The following ASXL2 variants were observed in gnomAD, a reference collection of about 807,000 sequenced individuals.
The protein encoded by ASXL2 is ASXL transcriptional regulator 2.
In ASXL2, 23 loss-of-function variants were observed where a neutral mutation model predicts 122.0. That is an observed-to-expected ratio of 0.19 (90% CI 0.14 to 0.27). ASXL2 has a LOEUF of 0.27. Ranked by LOEUF, ASXL2 falls within the 10% of genes least tolerant of loss-of-function variation. The pLI, the probability that ASXL2 is intolerant of heterozygous loss-of-function variation, is 1.00. For synonymous variants in ASXL2, 650 were observed against 637.0 expected (o/e 1.02, Z -0.31); for missense variants, 1,518 against 1,713.8 (o/e 0.89, Z 2.02).
intron 4 of ASXL2, among the ~76,000 whole-genome samples, chr2:25,800,271 A>G (rs193208132): frequency 6.6e-6 from 1 of 152,292 alleles, no homozygotes; most frequent in East Asian, 1.9e-4. Flanking sequence ...GCACTCCAAC[A>G]TGGGTGACAG....
intron 3 of ASXL2, among the ~76,000 whole-genome samples, chr2:25,812,756 T>C (rs1486561960): frequency 1.3e-5 from 2 of 152,100 alleles, no homozygotes; most frequent in African/African-American, 4.8e-5. Flanking sequence ...CACTGAAAAA[T>C]GACCTCAAAC....
chr2:25,826,254 C>A (rs13398541), intron 3 of ASXL2, among the ~76,000 whole-genome samples: 14 of 143,262 alleles, frequency 9.8e-5, no homozygotes, highest in African/African-American at 3.2e-4. Context: ...TGAAAGTGGG[C>A]TGGAAAAGTT....
intron 1 of ASXL2, among the ~76,000 whole-genome samples, chr2:25,872,433 G>A (rs2089969225): frequency 6.6e-6 from 1 of 151,942 alleles, no homozygotes; most frequent in South Asian, 2.1e-4. Context: ...CAAATAGCTA[G>A]AAAGATAACA....
intron 2 of ASXL2, among the ~76,000 whole-genome samples, chr2:25,843,814 T>TAAAAAAA (rs541446675): frequency 0.03 from 2,561 of 85,904 alleles, 68 homozygotes; most frequent in African/African-American, 0.053. Flanking sequence ...CTCCATCTCT[T>TAAAAAAA]AAAAAAAAAA....
At chr2:25,790,421 T>TA (rs999417533) in intron 5 of ASXL2, among the ~76,000 whole-genome samples, 225 of 150,072 alleles carry the variant, frequency 1.5e-3, no homozygotes, top group Non-Finnish European at 2.6e-3. Flanking sequence ...AGACCTTGGT[T>TA]AAAAAAAAAC....
chr2:25,861,110 A>C (rs1403489035), intron 1 of ASXL2, among the ~76,000 whole-genome samples: 1 of 152,206 alleles, frequency 6.6e-6, no homozygotes, highest in Non-Finnish European at 1.5e-5. Flanking sequence ...CAAATAAGAA[A>C]ACAAAAATTA....
At chr2:25,820,969 C>T (rs2089300875) in intron 3 of ASXL2, among the ~76,000 whole-genome samples, 1 of 152,014 alleles carries the variant, frequency 6.6e-6, no homozygotes, top group Non-Finnish European at 1.5e-5. Context: ...GAGTTCGAGA[C>T]CAGCCTGACC....
chr2:25,858,723 A>G (rs1252538031), intron 1 of ASXL2, among the ~76,000 whole-genome samples: 2 of 150,596 alleles, frequency 1.3e-5, no homozygotes, highest in African/African-American at 2.4e-5. Flanking sequence ...CCCCGCCTCA[A>G]AAAAAAAAAA....
chr2:25,807,331 G>A (rs1195095403), intron 3 of ASXL2, among the ~76,000 whole-genome samples: 2 of 152,160 alleles, frequency 1.3e-5, no homozygotes. Flanking sequence ...GTTATCTGCT[G>A]GGAAGAGCTG....
intron 4 of ASXL2, 123 bp from the exon 5 acceptor site, chr2:25,799,658 C>T (rs370513800): frequency 4.4e-6 from 5 of 1,128,600 alleles, no homozygotes; most frequent in East Asian, 5.0e-5. Context: ...GATTCAGTAG[C>T]AGAACCAGCA....
chr2:25,848,398 G>A (rs910927218), intron 1 of ASXL2, among the ~76,000 whole-genome samples: 2 of 151,602 alleles, frequency 1.3e-5, no homozygotes, highest in African/African-American at 2.4e-5. Context: ...CGAGATAGGT[G>A]GATCACAAGG....
intron 10 of ASXL2, among the ~76,000 whole-genome samples, chr2:25,754,502 A>T (rs562277620): frequency 2.6e-5 from 4 of 152,190 alleles, no homozygotes; most frequent in Non-Finnish European, 5.9e-5. Flanking sequence ...AGGATTGGGA[A>T]AAGAGAGATT....
At chr2:25,843,466 T>A (rs1223461503) in intron 2 of ASXL2, among the ~76,000 whole-genome samples, 1 of 152,146 alleles carries the variant, frequency 6.6e-6, no homozygotes, top group African/African-American at 2.4e-5. Context: ...GTTTTAATTT[T>A]AAAATGTTTA....
At chr2:25,785,610 A>C (rs545290246) in intron 5 of ASXL2, among the ~76,000 whole-genome samples, 72 of 152,148 alleles carry the variant, frequency 4.7e-4, no homozygotes, top group African/African-American at 1.7e-3. Context: ...GCAATGATGC[A>C]ATCTTGGCTC....
intron 2 of ASXL2, chr2:25,845,241 A>T: frequency 3.7e-6 from 2 of 536,730 alleles, no homozygotes; most frequent in South Asian, 3.2e-5. Context: ...CCTAAAAATT[A>T]AAGTGCATGG....
Position 25,750,074 on chromosome 2 carries a change from G to A in ASXL2, c.1482C>T (p.Val494=), listed in dbSNP as rs2088017711. ...KDEDLLEQKP[V]TSAEQESEKN... ...TCTCAGATTCCTGTTCAGCAGAGGT[G>A]ACTGGCTTCTGCTCCAAGAGATCCT... The change falls in exon 12 of 13, where the codon GTC becomes GTT. Residue 494 remains valine, a synonymous_variant. Transcript: ENST00000435504. 6.2e-7 allele frequency: 1 copy of A among 1,613,928 alleles called. No individual in the cohort carries two copies.
chr2:25,861,405 C>G (rs536388922), intron 1 of ASXL2, among the ~76,000 whole-genome samples: 1 of 152,196 alleles, frequency 6.6e-6, no homozygotes, highest in South Asian at 2.1e-4. Flanking sequence ...TCTGACAAAA[C>G]TCACACAAGA....
intron 8 of ASXL2, among the ~76,000 whole-genome samples, chr2:25,761,858 G>A (rs908948611): frequency 5.3e-5 from 8 of 152,058 alleles, no homozygotes; most frequent in South Asian, 2.1e-4. Context: ...AACTGAAGGC[G>A]TTCACTACTC....
chr2:25,753,482 G>T, intron 11 of ASXL2, 52 bp downstream of exon 11: 2 of 1,334,450 alleles, frequency 1.5e-6, no homozygotes, highest in South Asian at 2.6e-5. Flanking sequence ...AGCACTACAT[G>T]ACTTATATGT....
Sources: gnomAD v4.1 joint callset for allele counts (sites outside exome capture counted in the v4.1 genomes callset) on GRCh38, gnomAD v4.1.1 for gene constraint, MANE v1.5 for transcripts, NCBI Gene and HGNC (gene_info 2026-07-23, HGNC 2026-07-21) for gene names.